The following PTPRN2 variants were observed in gnomAD, a reference collection of about 807,000 sequenced individuals.
PTPRN2 encodes the protein protein tyrosine phosphatase receptor type N2, also known as receptor-type tyrosine-protein phosphatase N2.
In PTPRN2, 74 loss-of-function variants were observed where a neutral mutation model predicts 118.8. The ratio of observed to expected loss-of-function variants is 0.62; its 90% CI spans 0.52 to 0.76. The LOEUF is 0.76. Among genes scored for constraint, PTPRN2 ranks in the 30% least tolerant of loss-of-function variants. PTPRN2 has a pLI of 0.00. For synonymous variants in PTPRN2, 641 were observed against 608.0 expected, an observed-to-expected ratio of 1.05 and a Z score of -0.80; for missense variants, 1,481 against 1,394.4, an observed-to-expected ratio of 1.06 and a Z score of -0.99.
At chr7:157,746,123 G>C (rs2707938) in intron 12 of PTPRN2, among the ~76,000 whole-genome samples, 1 of 149,720 alleles carries the variant, frequency 6.7e-6, no homozygotes, top group South Asian at 2.1e-4. Context: ...CAAGAGCATG[G>C]AGATCATGGG....
At chr7:158,409,329 G>A (rs1448505711) in intron 2 of PTPRN2, among the ~76,000 whole-genome samples, 1 of 152,224 alleles carries the variant, frequency 6.6e-6, no homozygotes, top group Non-Finnish European at 1.5e-5. Flanking sequence ...TGCAGGAGCA[G>A]GCAGTGAGCA....
chr7:157,637,243 T>C (rs951512215), intron 14 of PTPRN2, among the ~76,000 whole-genome samples: 1 of 152,086 alleles, frequency 6.6e-6, no homozygotes, highest in Non-Finnish European at 1.5e-5. Flanking sequence ...TCCAAACAGA[T>C]CATAGGAAAA....
intron 11 of PTPRN2, among the ~76,000 whole-genome samples, chr7:158,001,942 C>G (rs1204104816): frequency 6.6e-6 from 1 of 152,204 alleles, no homozygotes; most frequent in South Asian, 2.1e-4. Flanking sequence ...CTCCTCCAGC[C>G]GGAAGCTGGC....
chr7:158,130,610 A>G (rs1237965392), intron 9 of PTPRN2, among the ~76,000 whole-genome samples: 1 of 151,824 alleles, frequency 6.6e-6, no homozygotes, highest in Non-Finnish European at 1.5e-5. Context: ...CATCTACCCT[A>G]CATACACACT....
intron 2 of PTPRN2, among the ~76,000 whole-genome samples, chr7:158,451,566 T>C (rs920043683): frequency 1.3e-5 from 2 of 152,230 alleles, no homozygotes; most frequent in Non-Finnish European, 2.9e-5. Flanking sequence ...TTCCAGCTGT[T>C]CTCATCTTCC....
intron 12 of PTPRN2, among the ~76,000 whole-genome samples, chr7:157,689,364 G>C (rs918982207): frequency 3.3e-5 from 5 of 152,316 alleles, no homozygotes; most frequent in African/African-American, 1.2e-4. Flanking sequence ...CTCGGGGGGC[G>C]GGACCACGTC....
At chr7:158,319,418 CCACA>C (rs1213487193) in intron 2 of PTPRN2, among the ~76,000 whole-genome samples, 3,974 of 87,998 alleles carry the variant, frequency 0.045, 459 homozygotes, top group African/African-American at 0.17. Flanking sequence ...ACACAGCCTC[CCACA>C]CACACACACA....
intron 15 of PTPRN2, among the ~76,000 whole-genome samples, chr7:157,612,746 T>C (rs1477592774): frequency 6.6e-6 from 1 of 152,192 alleles, no homozygotes; most frequent in East Asian, 1.9e-4. Context: ...GAGGCGTAAC[T>C]GATGGGCAGG....
intron 3 of PTPRN2, among the ~76,000 whole-genome samples, chr7:158,255,230 G>C (rs73176135): frequency 6.6e-6 from 1 of 152,186 alleles, no homozygotes; most frequent in East Asian, 1.9e-4. Flanking sequence ...AAGACTTCAC[G>C]CGAGCACAGC....
In PTPRN2 at chr7:157,615,835, G is replaced by A. The variant is rs992246865; in HGVS notation, c.2344+5527C>T. On this transcript the variant is annotated intron_variant, in intron 15 of 22. Transcript: ENST00000389418. This position sits in a 1 kb window ranked among gnomAD's most constrained non-coding sequence, Gnocchi z 4.3. ...GTCACCAACGGGGGGTGGGGGGTGCGCGAGGCCCTGGGCTCCACCGAAGAC... is the reference window on the plus strand; with the variant it reads ...GTCACCAACGGGGGGTGGGGGGTGCACGAGGCCCTGGGCTCCACCGAAGAC... 2.2e-5 allele frequency: 8 copies of A among 357,356 alleles called. No homozygotes were observed. Among genetic ancestry groups the A allele is most frequent in the African/African-American group, 1.1e-4 (5 of 46,590 alleles). 22.1% of individuals were successfully genotyped at this position (357,356 alleles called of 1,614,324 possible). A position where few individuals can be genotyped will look rare whatever the true frequency, so the allele number is the denominator to read the frequency against.
intron 1 of PTPRN2, among the ~76,000 whole-genome samples, chr7:158,557,533 C>A (rs896401066): frequency 2.0e-5 from 3 of 152,260 alleles, no homozygotes; most frequent in African/African-American, 4.8e-5. Flanking sequence ...ACAAAGGTCA[C>A]GGCCGCCGCT....
At chr7:158,519,185 T>C (rs943471657) in intron 1 of PTPRN2, among the ~76,000 whole-genome samples, 4 of 152,116 alleles carry the variant, frequency 2.6e-5, no homozygotes, top group Non-Finnish European at 5.9e-5. Flanking sequence ...TGAAAAGTCA[T>C]TTCAAACTTT....
chr7:158,365,492 A>T (rs750300711), intron 2 of PTPRN2, among the ~76,000 whole-genome samples: 63 of 152,190 alleles, frequency 4.1e-4, no homozygotes, highest in Non-Finnish European at 7.3e-4. Context: ...AGCTGGAGTG[A>T]CAGGAAACAC....
chr7:157,898,692 A>G lies in PTPRN2; in HGVS notation c.1769T>C (p.Leu590Pro). 6.2e-7 allele frequency: 1 copy of G among 1,606,270 alleles called. No individual in the cohort carries two copies. The highest frequency in any genetic ancestry group is 8.5e-7 in the Non-Finnish European group (1 of 1,172,746). The change falls in exon 12 of 23, where the codon CTT (leucine) becomes CCT (proline). Residue 590 changes from leucine (L) to proline (P), a missense_variant. Physicochemically the swap from Leu to Pro is moderately conservative, Grantham distance 98. Coordinates refer to ENST00000389418, the MANE Select transcript of PTPRN2 (RefSeq NM_002847.5). ...KLEETSGLKI[L>P]QTGVGSKSKL... ...ACTCACCGACCCGACTCCGGTTTGA[A>G]GAATTTTCAGTCCAGAGGTTTCCTC...
At chr7:158,389,337 G>A (rs896762) in intron 2 of PTPRN2, among the ~76,000 whole-genome samples, 61,742 of 152,204 alleles carry the variant, frequency 0.41, 14,053 homozygotes, top group East Asian at 0.76. Context: ...AAGTGAAAGC[G>A]CACTTTGACT....
rs964329486 is a variant in PTPRN2, at chr7:158,093,694, C to A, written c.1644-12317G>T. 6.6e-6 allele frequency among the ~76,000 whole-genome samples: 1 copy of A among 152,230 alleles called. No individual in the cohort carries two copies. The highest frequency in any genetic ancestry group is 1.5e-5 in the Non-Finnish European group (1 of 68,046). On this transcript the variant is annotated intron_variant, in intron 10 of 22. Coordinates refer to ENST00000389418, the MANE Select transcript of PTPRN2 (RefSeq NM_002847.5). This position sits in a 1 kb window ranked among gnomAD's most constrained non-coding sequence, Gnocchi z 4.4. Reference sequence around the variant, plus strand: ...GGAATTCCACGTGGATAGCATAATGCATACCTACTTTCCTTACACACACTT... The same window carrying A: ...GGAATTCCACGTGGATAGCATAATGAATACCTACTTTCCTTACACACACTT...
intron 6 of PTPRN2, among the ~76,000 whole-genome samples, chr7:158,140,749 A>G (rs944995469): frequency 6.6e-6 from 1 of 152,206 alleles, no homozygotes; most frequent in Non-Finnish European, 1.5e-5. Flanking sequence ...CCAGGCCCAC[A>G]TGCGTCCAAC....
At position 157,929,384 on chromosome 7, in the gene PTPRN2, C is replaced by G. The variant is rs892725; in HGVS notation, c.1724-30647G>C. 1.4e-3 allele frequency among the ~76,000 whole-genome samples: 216 copies of G among 151,856 alleles called. 2 individuals carry two copies. The highest frequency in any genetic ancestry group is 4.9e-3 in the African/African-American group (203 of 41,402). On this transcript the variant is annotated intron_variant, in intron 11 of 22. Transcript: ENST00000389418. This position sits in a 1 kb window ranked among gnomAD's most constrained non-coding sequence, Gnocchi z 4.4. ...AACTCCTCTGTGGGTTCCTGCAGCA[C>G]CGGGAGACCCTGGCGCGACTCCTGA... is the stretch of plus-strand genomic sequence containing the variant.
chr7:157,662,908 A>T (rs1486747682), intron 13 of PTPRN2, among the ~76,000 whole-genome samples: 1 of 152,140 alleles, frequency 6.6e-6, no homozygotes, highest in Non-Finnish European at 1.5e-5. Flanking sequence ...AAGGCCTTGC[A>T]TCCACCGCCC....
Sources: gnomAD v4.1 joint callset for allele counts (sites outside exome capture counted in the v4.1 genomes callset) on GRCh38, gnomAD v4.1.1 for gene constraint, Gnocchi (gnomAD v3.1) non-coding constraint, MANE v1.5 for transcripts, NCBI Gene and HGNC (gene_info 2026-07-23, HGNC 2026-07-21) for gene names.